BCAS3: variants seen among roughly 807,000 people sequenced by gnomAD.
The protein encoded by BCAS3 is BCAS4/BCAS3 fusion.
A neutral mutation model predicts 116.1 loss-of-function variants in BCAS3; 53 were observed. The observed-to-expected ratio is 0.46, with a 90% CI of 0.37 to 0.57. The LOEUF (loss-of-function observed/expected upper bound fraction) is 0.57, where lower values mean the gene tolerates loss of function less well. Among genes scored for constraint, BCAS3 ranks in the 20% least tolerant of loss-of-function variants. The probability of loss-of-function intolerance (pLI) is 0.00; values close to 1 mark genes in which losing one functional copy is unlikely to be tolerated. For missense variants in BCAS3, 917 were observed against 1,165.4 expected, an observed-to-expected ratio of 0.79 and a Z score of 3.10; for synonymous variants, 391 against 408.2, an observed-to-expected ratio of 0.96 and a Z score of 0.51.
At position 61,387,188 on chromosome 17, in the gene BCAS3, C is replaced by T. The variant is rs542505668; in HGVS notation, c.2594-4789C>T. 2.6e-5 allele frequency among the ~76,000 whole-genome samples: 4 copies of T among 152,312 alleles called. No homozygotes were observed. Among genetic ancestry groups the T allele is most frequent in the Admixed American group, 2.0e-4 (3 of 15,306 alleles). On this transcript the variant is annotated intron_variant, in intron 23 of 23. Coordinates refer to ENST00000407086, the MANE Select transcript of BCAS3 (RefSeq NM_017679.5). The surrounding 1 kb of genome is among the most constrained non-coding windows in gnomAD (Gnocchi z 6.2). ...CACCCCTCCCGGGGAGTCTGCTGCC[C>T]GTCAACTCACAGCCTGGCAAAGGGG...
At chr17:61,237,394 A>G (rs2083145480) in intron 22 of BCAS3, among the ~76,000 whole-genome samples, 1 of 152,250 alleles carries the variant, frequency 6.6e-6, no homozygotes, top group African/African-American at 2.4e-5. Context: ...GCATTCTGAT[A>G]GGACAGAAAC....
chr17:61,102,457 ATAT>A (rs549798423), intron 22 of BCAS3, among the ~76,000 whole-genome samples: 63 of 152,284 alleles, frequency 4.1e-4, no homozygotes, highest in Non-Finnish European at 9.0e-4. Context: ...TATTCACAAA[ATAT>A]TATGAGGTAA....
At chr17:61,168,790 C>T (rs2078668489) in intron 22 of BCAS3, among the ~76,000 whole-genome samples, 1 of 152,166 alleles carries the variant, frequency 6.6e-6, no homozygotes, top group Non-Finnish European at 1.5e-5. Flanking sequence ...ACTGCTTATA[C>T]CTTATGTTAT....
At position 61,151,716 on chromosome 17, in the gene BCAS3, G is replaced by C. The variant is rs7218027; in HGVS notation, c.2425+67152G>C. ...CAAGTGAGCCTCCTGCCTTGGCCCC[G>C]CAAAGTGCTGGGATTACAAGCATGA... On this transcript the variant is annotated intron_variant, in intron 22 of 23. Coordinates refer to ENST00000407086, the MANE Select transcript of BCAS3 (RefSeq NM_017679.5). This position sits in a 1 kb window ranked among gnomAD's most constrained non-coding sequence, Gnocchi z 4.8. Among the ~76,000 whole-genome samples the C allele has an allele frequency of 0.93, 142,300 of 152,230 alleles. 67,251 individuals are homozygous for C. The highest frequency in any genetic ancestry group is 1 in the East Asian group (5,168 of 5,168).
At position 61,139,484 on chromosome 17, in the gene BCAS3, T is replaced by G. The variant is rs2076812345; in HGVS notation, c.2425+54920T>G. Among the ~76,000 whole-genome samples the G allele has an allele frequency of 6.6e-6, 1 of 152,258 alleles. No homozygotes were observed. On this transcript the variant is annotated intron_variant, in intron 22 of 23. Coordinates refer to ENST00000407086, the MANE Select transcript of BCAS3 (RefSeq NM_017679.5). The surrounding 1 kb of genome is among the most constrained non-coding windows in gnomAD (Gnocchi z 4.7). ...CTGTGCATTCTGGGCACACATCATC[T>G]GGGCTCAGTGCGGGCTTTGTTTATA...
At chr17:60,807,894 A>G in intron 6 of BCAS3, 110 bp from the exon 7 acceptor site, 1 of 708,184 alleles carries the variant, frequency 1.4e-6, no homozygotes, top group Non-Finnish European at 2.3e-6. Context: ...AAATTATGTC[A>G]ACTTATAATG....
intron 23 of BCAS3, among the ~76,000 whole-genome samples, chr17:61,373,210 TTCCCGAGTA>T (rs1445970187): frequency 6.7e-6 from 1 of 150,312 alleles, no homozygotes. Flanking sequence ...CTGCCTCAGC[TTCCCGAGTA>T]ACTGGGACTC....
chr17:61,031,996 G>C (rs138535223), intron 16 of BCAS3, among the ~76,000 whole-genome samples: 3 of 152,034 alleles, frequency 2.0e-5, no homozygotes, highest in Non-Finnish European at 2.9e-5. Flanking sequence ...AGAGATTTTA[G>C]CTTTTGACAT....
At chr17:61,263,030 A>G (rs541317477) in intron 22 of BCAS3, among the ~76,000 whole-genome samples, 3 of 152,234 alleles carry the variant, frequency 2.0e-5, no homozygotes, top group Non-Finnish European at 4.4e-5. Context: ...ATTATCCCCA[A>G]GTTAATCTAG....
At chr17:61,290,986 T>C (rs890450501) in intron 22 of BCAS3, among the ~76,000 whole-genome samples, 40 of 152,024 alleles carry the variant, frequency 2.6e-4, no homozygotes, top group African/African-American at 8.9e-4. Flanking sequence ...TTCACCATGT[T>C]AGCCAGGATG....
rs926296603 is a variant in BCAS3 at position 61,032,285 on chromosome 17, A to G, written c.1638-2381A>G. 3.9e-5 allele frequency among the ~76,000 whole-genome samples: 6 copies of G among 152,290 alleles called. No individual in the cohort carries two copies. The highest frequency in any genetic ancestry group is 7.4e-5 in the Non-Finnish European group (5 of 67,988). ...TGCAAAGAGCTTTGAGTTTGTCCCA[A>G]TGAAGCTTGTTGGTACATTGTAGTA... On this transcript the variant is annotated intron_variant, in intron 16 of 23. Transcript: ENST00000407086. This position sits in a 1 kb window ranked among gnomAD's most constrained non-coding sequence, Gnocchi z 4.6.
At chr17:60,986,081 A>G (rs892703396) in intron 14 of BCAS3, among the ~76,000 whole-genome samples, 1 of 152,242 alleles carries the variant, frequency 6.6e-6, no homozygotes, top group African/African-American at 2.4e-5. Flanking sequence ...AAGTGAGAAC[A>G]TGCAAAGTTT....
intron 6 of BCAS3, among the ~76,000 whole-genome samples, chr17:60,779,516 T>A (rs1292666716): frequency 1.4e-5 from 2 of 146,790 alleles, no homozygotes. Context: ...ATTACAGGCA[T>A]GTGCCACAAC....
At chr17:61,035,827 G>A (rs1215076637) in intron 17 of BCAS3, among the ~76,000 whole-genome samples, 2 of 152,144 alleles carry the variant, frequency 1.3e-5, no homozygotes, top group Non-Finnish European at 2.9e-5. Flanking sequence ...CGTATACAGC[G>A]TGGATATGCT....
At chr17:61,125,362 T>G (rs2075996829) in intron 22 of BCAS3, among the ~76,000 whole-genome samples, 2 of 152,298 alleles carry the variant, frequency 1.3e-5, no homozygotes, top group Middle Eastern at 3.4e-3. Context: ...GTGTCCTTTC[T>G]TATAGTGTGG....
chr17:61,373,732 C>CCCA (rs200460432), intron 23 of BCAS3, among the ~76,000 whole-genome samples: 2 of 148,050 alleles, frequency 1.4e-5, no homozygotes, highest in African/African-American at 4.9e-5. Context: ...ATGCCCAGCC[C>CCCA]CTGTTTAAAG....
intron 22 of BCAS3, among the ~76,000 whole-genome samples, chr17:61,272,861 C>T (rs1043960342): frequency 1.3e-5 from 2 of 151,936 alleles, no homozygotes; most frequent in African/African-American, 4.8e-5. Context: ...GAAACAGCAT[C>T]GTCTGTGGTC....
intron 7 of BCAS3, among the ~76,000 whole-genome samples, chr17:60,850,838 A>T (rs921915479): frequency 6.6e-6 from 1 of 152,214 alleles, no homozygotes; most frequent in African/African-American, 2.4e-5. Context: ...GTAAAACAAC[A>T]AAATACTGAT....
At chr17:60,781,892 T>C (rs1391659671) in intron 6 of BCAS3, among the ~76,000 whole-genome samples, 1 of 152,358 alleles carries the variant, frequency 6.6e-6, no homozygotes, top group Non-Finnish European at 1.5e-5. Context: ...TTTCTGGTTC[T>C]TTCTTTTATA....
Sources: gnomAD v4.1 joint callset for allele counts (sites outside exome capture counted in the v4.1 genomes callset) on GRCh38, gnomAD v4.1.1 for gene constraint, Gnocchi (gnomAD v3.1) non-coding constraint, MANE v1.5 for transcripts, NCBI Gene and HGNC (gene_info 2026-07-23, HGNC 2026-07-21) for gene names.